Variants in OSBPL6 observed in about 807,000 individuals in gnomAD.
OSBPL6 encodes oxysterol binding protein like 6, also known as oxysterol-binding protein-related protein 6.
OSBPL6 carries 49 observed loss-of-function variants against 125.8 expected under a neutral mutation model. That is an observed-to-expected ratio of 0.39 (90% CI 0.31 to 0.49). The LOEUF is 0.49. Among genes scored for constraint, OSBPL6 ranks in the 20% least tolerant of loss-of-function variants. The pLI is 0.88. For synonymous variants in OSBPL6, 394 were observed against 391.8 expected, an observed-to-expected ratio of 1.01 and a Z score of -0.07; for missense variants, 986 against 1,135.4, an observed-to-expected ratio of 0.87 and a Z score of 1.89.
At chr2:178,266,215 C>T (rs2092229175) in intron 1 of OSBPL6, among the ~76,000 whole-genome samples, 1 of 152,294 alleles carries the variant, frequency 6.6e-6, no homozygotes, top group African/African-American at 2.4e-5. Flanking sequence ...TGGTCTCAAT[C>T]GCAAGAAGAC....
chr2:178,371,684 A>G (rs1460423822), intron 13 of OSBPL6, among the ~76,000 whole-genome samples: 1 of 152,186 alleles, frequency 6.6e-6, no homozygotes, highest in East Asian at 1.9e-4. Context: ...TCTATTTCTA[A>G]CTAATTTTTA....
At chr2:178,228,161 A>G (rs1385781284) in intron 1 of OSBPL6, among the ~76,000 whole-genome samples, 1 of 151,620 alleles carries the variant, frequency 6.6e-6, no homozygotes, top group Non-Finnish European at 1.5e-5. Flanking sequence ...TATTCCAAAC[A>G]AAACTAATGT....
At chr2:178,263,381 G>T (rs1346969724) in intron 1 of OSBPL6, among the ~76,000 whole-genome samples, 1 of 152,232 alleles carries the variant, frequency 6.6e-6, no homozygotes, top group African/African-American at 2.4e-5. Context: ...GGGGGACTGA[G>T]ATGGGAGCAT....
At chr2:178,344,385 G>A in intron 11 of OSBPL6, 1 of 1,609,610 alleles carries the variant, frequency 6.2e-7, no homozygotes, top group Middle Eastern at 1.7e-4. Flanking sequence ...ATCTCAAGTG[G>A]AAGTTTAATA....
chr2:178,369,133 C>G (rs1693137931), intron 13 of OSBPL6, among the ~76,000 whole-genome samples: 1 of 152,166 alleles, frequency 6.6e-6, no homozygotes, highest in Admixed American at 6.6e-5. Flanking sequence ...TGAGATTTAT[C>G]TCTTTTGCTC....
chr2:178,385,176 T>TA, intron 18 of OSBPL6, among the ~76,000 whole-genome samples: 1 of 152,086 alleles, frequency 6.6e-6, no homozygotes, highest in Non-Finnish European at 1.5e-5. Flanking sequence ...ATGGCACGTG[T>TA]ATACCTGTGT....
At chr2:178,233,079 T>C (rs567522541) in intron 1 of OSBPL6, among the ~76,000 whole-genome samples, 1 of 152,246 alleles carries the variant, frequency 6.6e-6, no homozygotes, top group African/African-American at 2.4e-5. Flanking sequence ...TTTTGTAATA[T>C]TGGGAACTTT....
intron 1 of OSBPL6, among the ~76,000 whole-genome samples, chr2:178,198,939 G>A (rs2153931569): frequency 6.6e-6 from 1 of 152,294 alleles, no homozygotes; most frequent in East Asian, 1.9e-4. Context: ...CATTCAAATA[G>A]AACATTTCTT....
intron 1 of OSBPL6, among the ~76,000 whole-genome samples, chr2:178,212,684 A>G (rs189139658): frequency 6.6e-6 from 1 of 152,342 alleles, no homozygotes; most frequent in Admixed American, 6.5e-5. Flanking sequence ...TTCCCCTTAC[A>G]CTTGGTTATT....
rs1266702718 is a variant in OSBPL6 at position 178,287,148 on chromosome 2, TTAA to T, written c.-156+2028_-156+2030del. ...TCCTAAAACAATGGTTCTTCTTTTTTTAAAAAAAAAAAAAAAAAAAACAAATTA... is the reference window on the plus strand; with the variant it reads ...TCCTAAAACAATGGTTCTTCTTTTTTAAAAAAAAAAAAAAAAAACAAATTA... On this transcript the variant is annotated intron_variant, in intron 2 of 24. Transcript: ENST00000190611. Among the ~76,000 whole-genome samples, 50 of 97,710 alleles carry T rather than the reference TTAA, an allele frequency of 5.1e-4. 2 individuals are homozygous for T. In the South Asian group the frequency reaches 0.014, roughly 28 times the overall value. 64.1% of individuals were successfully genotyped at this position (97,710 alleles called of 152,430 possible).
chr2:178,299,387 A>C (rs1190095636), intron 2 of OSBPL6, among the ~76,000 whole-genome samples: 2 of 152,166 alleles, frequency 1.3e-5, no homozygotes, highest in African/African-American at 4.8e-5. Context: ...GCCCTGTACT[A>C]CTACTATTAA....
At chr2:178,365,323 T>A (rs529450385) in intron 13 of OSBPL6, among the ~76,000 whole-genome samples, 1 of 152,234 alleles carries the variant, frequency 6.6e-6, no homozygotes, top group East Asian at 1.9e-4. Context: ...TCAGCAAATT[T>A]TATCGTCTTT....
chr2:178,399,110 A>G lies in OSBPL6; in HGVS notation c.*3551A>G, dbSNP rs923288148. On this transcript the variant is annotated 3_prime_UTR_variant, in exon 25 of 25. Coordinates refer to ENST00000190611, the MANE Select transcript of OSBPL6 (RefSeq NM_032523.4). Reference sequence around the variant, plus strand: ...ACAGTAAATAAAGTTTGTGTACAAAATACTAGTTTATTTCTATGGGAGCCA... The same window carrying G: ...ACAGTAAATAAAGTTTGTGTACAAAGTACTAGTTTATTTCTATGGGAGCCA... 5 of 152,160 alleles carry G rather than the reference A, an allele frequency of 3.3e-5. No homozygotes were observed. The highest frequency in any genetic ancestry group is 2.6e-4 in the Admixed American group (4 of 15,258). The allele number at this position is 152,160 out of a possible 1,614,324, so 9.4% of individuals were successfully genotyped here.
chr2:178,361,647 T>A (rs1397800007), intron 12 of OSBPL6, 35 bp from the exon 13 acceptor site: 1 of 1,610,944 alleles, frequency 6.2e-7, no homozygotes, highest in Admixed American at 1.7e-5. Context: ...TCTGCACATA[T>A]CTGACAGTTT....
chr2:178,264,473 T>C (rs1045442037), intron 1 of OSBPL6, among the ~76,000 whole-genome samples: 1 of 152,338 alleles, frequency 6.6e-6, no homozygotes, highest in Admixed American at 6.5e-5. Flanking sequence ...AGAGGACCTC[T>C]AACATTTGTG....
intron 13 of OSBPL6, among the ~76,000 whole-genome samples, chr2:178,365,723 A>G (rs1574980802): frequency 6.6e-6 from 1 of 152,292 alleles, no homozygotes. Flanking sequence ...ATCTATATGT[A>G]CACAAAAACA....
At chr2:178,309,094 TC>T (rs1408321430) in intron 3 of OSBPL6, among the ~76,000 whole-genome samples, 1 of 152,128 alleles carries the variant, frequency 6.6e-6, no homozygotes, top group Admixed American at 6.6e-5. Flanking sequence ...TACTTGCCTT[TC>T]CTGCATGGAA....
intron 1 of OSBPL6, among the ~76,000 whole-genome samples, chr2:178,200,845 G>A (rs1337454969): frequency 4.0e-5 from 6 of 151,776 alleles, no homozygotes; most frequent in Non-Finnish European, 8.8e-5. Context: ...ACCCAGGTTG[G>A]AGTGCAGTGG....
intron 1 of OSBPL6, among the ~76,000 whole-genome samples, chr2:178,261,088 C>T (rs1401084820): frequency 5.9e-5 from 9 of 152,154 alleles, no homozygotes; most frequent in African/African-American, 2.2e-4. Context: ...GCCGAGATCA[C>T]ACCACTGCGC....
Sources: gnomAD v4.1 joint callset for allele counts (sites outside exome capture counted in the v4.1 genomes callset) on GRCh38, gnomAD v4.1.1 for gene constraint, MANE v1.5 for transcripts, NCBI Gene and HGNC (gene_info 2026-07-23, HGNC 2026-07-21) for gene names.